The following ZFPM2 variants were observed in gnomAD, a reference collection of about 807,000 sequenced individuals.
ZFPM2 encodes the protein zinc finger protein ZFPM2.
ZFPM2 carries 20 observed loss-of-function variants against 98.6 expected under a neutral mutation model. The observed-to-expected ratio is 0.20, with a 90% CI of 0.14 to 0.29. The LOEUF is 0.29. Ranked by LOEUF, ZFPM2 falls within the 10% of genes least tolerant of loss-of-function variation. ZFPM2 has a pLI of 1.00. For synonymous variants in ZFPM2, 518 were observed against 502.7 expected (o/e 1.03, Z -0.41); for missense variants, 1,310 against 1,388.6 (o/e 0.94, Z 0.90).
At chr8:105,496,018 G>A (rs1243000634) in intron 3 of ZFPM2, among the ~76,000 whole-genome samples, 2 of 152,066 alleles carry the variant, frequency 1.3e-5, no homozygotes, top group African/African-American at 2.4e-5. Context: ...CAAAAAAGCC[G>A]GGAATTAACA....
rs868787326 is a variant in ZFPM2, at chr8:105,697,964, A to G, written c.532+63607A>G. 3.9e-5 allele frequency among the ~76,000 whole-genome samples: 6 copies of G among 152,184 alleles called. No homozygotes were observed. In the South Asian group the frequency reaches 6.2e-4, roughly 16 times the overall value. On this transcript the variant is annotated intron_variant, in intron 5 of 7. Coordinates refer to ENST00000407775, the MANE Select transcript of ZFPM2 (RefSeq NM_012082.4). ...GTTTTATCTTCAAACAAGGAGAAGA[A>G]GGGTTAGCTGGTCCTTAAATTCATT...
intron 5 of ZFPM2, among the ~76,000 whole-genome samples, chr8:105,710,667 G>A (rs1001300344): frequency 6.0e-5 from 2 of 33,328 alleles, no homozygotes; most frequent in Non-Finnish European, 1.0e-4. Context: ...ACAAAATTGT[G>A]TGTGTGTGTG....
At chr8:105,589,900 T>G (rs2130761716) in intron 4 of ZFPM2, among the ~76,000 whole-genome samples, 1 of 152,290 alleles carries the variant, frequency 6.6e-6, no homozygotes, top group South Asian at 2.1e-4. Context: ...TTTTGTATTT[T>G]TTAGTAGAGA....
chr8:105,452,643 T>C (rs374234246), intron 3 of ZFPM2, among the ~76,000 whole-genome samples: 3 of 151,972 alleles, frequency 2.0e-5, no homozygotes, highest in African/African-American at 7.3e-5. Context: ...TCCAAGCTAC[T>C]TGGGAGGCTG....
Position 105,788,761 on chromosome 8 carries a change from T to C in ZFPM2, c.576T>C (p.Gly192=), listed in dbSNP as rs1365427919. 3 of 1,613,872 alleles carry C rather than the reference T, an allele frequency of 1.9e-6. No homozygotes were observed. The highest frequency in any genetic ancestry group is 2.5e-6 in the Non-Finnish European group (3 of 1,179,890). The change falls in exon 6 of 8, where the codon GGT becomes GGC. Residue 192 remains glycine, a synonymous_variant. Transcript: ENST00000407775. ...CAACTACGAAGGCCATCTCTGAGGG[T>C]GAAGAGCTAATTGCCTTTGTGGTGG... The part of the protein sequence containing the change: ...WCTTTKAISE[G]EELIAFVVDF...
intron 2 of ZFPM2, among the ~76,000 whole-genome samples, chr8:105,424,332 T>C (rs1356802514): frequency 6.6e-6 from 1 of 152,168 alleles, no homozygotes; most frequent in Non-Finnish European, 1.5e-5. Flanking sequence ...GAAAAATCTT[T>C]ATGCCTCTTC....
intron 1 of ZFPM2, among the ~76,000 whole-genome samples, chr8:105,383,100 G>A (rs72671669): frequency 2.6e-5 from 4 of 152,124 alleles, no homozygotes; most frequent in Non-Finnish European, 5.9e-5. Context: ...CATGCCTGGG[G>A]TTGGGCTTTG....
chr8:105,634,217 G>A lies in ZFPM2; in HGVS notation c.421-29G>A, dbSNP rs775203788. 1.4e-5 allele frequency: 21 copies of A among 1,544,230 alleles called. No homozygotes were observed. The Admixed American group carries it at 1.9e-4, about 14-fold the overall frequency. ...AGTTTTTAATCAACGGAAGCAAATGGCATCTGTTTGTTATCATTCTTTCTA... is the reference window on the plus strand; with the variant it reads ...AGTTTTTAATCAACGGAAGCAAATGACATCTGTTTGTTATCATTCTTTCTA... On this transcript the variant is annotated intron_variant, in intron 4 of 7. Transcript: ENST00000407775.
At position 105,804,255 on chromosome 8, in the gene ZFPM2, A is replaced by G. The variant is rs1430102411; in HGVS notation, c.*717A>G. ...TTTTAAACCTTTGCTGTTAAATGCAATACTTTATAAAGAATGAACAAAATT... is the reference window on the plus strand; with the variant it reads ...TTTTAAACCTTTGCTGTTAAATGCAGTACTTTATAAAGAATGAACAAAATT... On this transcript the variant is annotated 3_prime_UTR_variant, in exon 8 of 8. Coordinates refer to ENST00000407775, the MANE Select transcript of ZFPM2 (RefSeq NM_012082.4). 2 of 152,638 alleles carry G rather than the reference A, an allele frequency of 1.3e-5. No homozygotes were observed. The highest frequency in any genetic ancestry group is 3.9e-4 in the East Asian group (2 of 5,194). 9.5% of individuals were successfully genotyped at this position (152,638 alleles called of 1,614,324 possible).
intron 3 of ZFPM2, among the ~76,000 whole-genome samples, chr8:105,483,853 C>T (rs578033325): frequency 1.7e-3 from 263 of 151,514 alleles, no homozygotes; most frequent in African/African-American, 6.2e-3. Context: ...CCTGCCTCAG[C>T]CTCCCGAGTA....
At chr8:105,545,675 A>G (rs1202451012) in intron 3 of ZFPM2, among the ~76,000 whole-genome samples, 2 of 152,166 alleles carry the variant, frequency 1.3e-5, no homozygotes, top group Non-Finnish European at 2.9e-5. Flanking sequence ...TAGATAAAGA[A>G]CTCAATATAA....
chr8:105,486,410 G>T (rs967902994), intron 3 of ZFPM2, among the ~76,000 whole-genome samples: 1 of 151,898 alleles, frequency 6.6e-6, no homozygotes, highest in African/African-American at 2.4e-5. Context: ...AATCAATTTG[G>T]CCTAACAAAG....
chr8:105,626,464 T>C (rs1816657013), intron 4 of ZFPM2, among the ~76,000 whole-genome samples: 1 of 152,282 alleles, frequency 6.6e-6, no homozygotes, highest in Middle Eastern at 3.4e-3. Context: ...ACTGAAACTT[T>C]TGCTGTGTAA....
At chr8:105,338,514 T>C (rs1435248403) in intron 1 of ZFPM2, among the ~76,000 whole-genome samples, 2 of 151,842 alleles carry the variant, frequency 1.3e-5, no homozygotes, top group African/African-American at 4.8e-5. Flanking sequence ...TAGTAATGGG[T>C]TTTCATTTTT....
chr8:105,373,189 T>TG (rs1810658134), intron 1 of ZFPM2, among the ~76,000 whole-genome samples: 1 of 152,204 alleles, frequency 6.6e-6, no homozygotes, highest in Admixed American at 6.5e-5. Context: ...CAGCATTAGA[T>TG]GAAAGCAGAG....
At position 105,660,198 on chromosome 8, in the gene ZFPM2, A is replaced by G. The variant is rs1291294182; in HGVS notation, c.532+25841A>G. Among the ~76,000 whole-genome samples the G allele has an allele frequency of 2.6e-5, 4 of 152,022 alleles. 1 individual carries two copies. The highest frequency in any genetic ancestry group is 5.9e-5 in the Non-Finnish European group (4 of 67,994). On this transcript the variant is annotated intron_variant, in intron 5 of 7. Coordinates refer to ENST00000407775, the MANE Select transcript of ZFPM2 (RefSeq NM_012082.4). Reference sequence around the variant, plus strand: ...CTTGGGCTTAAAGGACCGAGGCTGTACTGTTTAGGGTATATTTTTCACTTG... The same window carrying G: ...CTTGGGCTTAAAGGACCGAGGCTGTGCTGTTTAGGGTATATTTTTCACTTG...
At chr8:105,631,344 G>A (rs1816751538) in intron 4 of ZFPM2, among the ~76,000 whole-genome samples, 1 of 152,116 alleles carries the variant, frequency 6.6e-6, no homozygotes, top group East Asian at 1.9e-4. Flanking sequence ...TAATATTAAT[G>A]ATGATTATGA....
intron 1 of ZFPM2, among the ~76,000 whole-genome samples, chr8:105,331,035 C>T (rs1812222839): frequency 6.6e-6 from 1 of 151,158 alleles, no homozygotes; most frequent in Non-Finnish European, 1.5e-5. Context: ...CACACACACA[C>T]ACTTAATATT....
rs376274338 is a variant in ZFPM2 at position 105,735,883 on chromosome 8, T to C, written c.533-52835T>C. Among the ~76,000 whole-genome samples the C allele has an allele frequency of 2.0e-5, 3 of 152,054 alleles. No individual in the cohort carries two copies. In the East Asian group the frequency reaches 5.8e-4, roughly 30 times the overall value. ...AATGTGTAGCAAGCTGTATTAAGCA[T>C]AGTCAAGAGGACCTTCAGGGAAAGC... is the stretch of plus-strand genomic sequence containing the variant. On this transcript the variant is annotated intron_variant, in intron 5 of 7. Coordinates refer to ENST00000407775, the MANE Select transcript of ZFPM2 (RefSeq NM_012082.4).
Sources: gnomAD v4.1 joint callset for allele counts (sites outside exome capture counted in the v4.1 genomes callset) on GRCh38, gnomAD v4.1.1 for gene constraint, MANE v1.5 for transcripts, NCBI Gene and HGNC (gene_info 2026-07-23, HGNC 2026-07-21) for gene names.